The following SCYL2 variants were observed in gnomAD, a reference collection of about 807,000 sequenced individuals.
SCYL2 encodes the protein SCY1-like protein 2.
SCYL2 carries 36 observed loss-of-function variants against 100.4 expected under a neutral mutation model. The observed-to-expected ratio is 0.36, with a 90% CI of 0.27 to 0.47. SCYL2 has a LOEUF of 0.47. SCYL2 is among the 20% of genes least tolerant of loss of function. The probability of loss-of-function intolerance (pLI) is 1.00; values close to 1 mark genes in which losing one functional copy is unlikely to be tolerated. For synonymous variants in SCYL2, 330 were observed against 359.2 expected, an observed-to-expected ratio of 0.92 and a Z score of 0.92; for missense variants, 902 against 1,083.9, an observed-to-expected ratio of 0.83 and a Z score of 2.36.
At chr12:100,271,534 G>C (rs888028479) in intron 1 of SCYL2, among the ~76,000 whole-genome samples, 5 of 152,088 alleles carry the variant, frequency 3.3e-5, no homozygotes, top group Non-Finnish European at 7.4e-5. Context: ...AGACCTTTGT[G>C]CCCCTTTAAG....
chr12:100,318,306 GC>G (rs1357009491), intron 10 of SCYL2, among the ~76,000 whole-genome samples: 11 of 150,916 alleles, frequency 7.3e-5, no homozygotes, highest in Admixed American at 5.9e-4. Context: ...TTCCGAAGAT[GC>G]ATGTGCCTTT....
At chr12:100,294,376 C>G (rs1394328970) in intron 3 of SCYL2, among the ~76,000 whole-genome samples, 6 of 97,498 alleles carry the variant, frequency 6.2e-5, no homozygotes, top group African/African-American at 1.2e-4. Context: ...GCTGGCCGGG[C>G]GGGGGGCTGA....
chr12:100,326,475 C>G (rs1465492821), intron 11 of SCYL2, 147 bp from the exon 12 acceptor site: 5 of 535,482 alleles, frequency 9.3e-6, no homozygotes, highest in Non-Finnish European at 1.5e-5. Flanking sequence ...AGTGAATTTC[C>G]TATGTTGATA....
chr12:100,295,369 C>T (rs920873159), intron 3 of SCYL2, among the ~76,000 whole-genome samples: 3 of 152,182 alleles, frequency 2.0e-5, no homozygotes, highest in East Asian at 1.9e-4. Flanking sequence ...GAGGTTGTAG[C>T]GAGCCGAGAT....
chr12:100,290,620 A>T (rs1368391217), intron 2 of SCYL2, among the ~76,000 whole-genome samples: 1 of 152,222 alleles, frequency 6.6e-6, no homozygotes, highest in Non-Finnish European at 1.5e-5. Flanking sequence ...TGTCTTGGAT[A>T]TTGATAGTTG....
chr12:100,328,004 G>A (rs1952156837), intron 12 of SCYL2, among the ~76,000 whole-genome samples: 1 of 152,142 alleles, frequency 6.6e-6, no homozygotes, highest in Non-Finnish European at 1.5e-5. Flanking sequence ...TTGGCTGGAT[G>A]CAGTGGCTGA....
chr12:100,275,237 T>C (rs2096291370), intron 1 of SCYL2, among the ~76,000 whole-genome samples: 1 of 152,000 alleles, frequency 6.6e-6, no homozygotes. Context: ...GGTCTCACCC[T>C]GTCACCCAGG....
chr12:100,334,003 G>A (rs780587156), intron 13 of SCYL2, 163 bp from the exon 14 acceptor site: 70 of 500,708 alleles, frequency 1.4e-4, no homozygotes, highest in East Asian at 1.2e-3. Context: ...ATGATATGCC[G>A]AATTTAAATG....
chr12:100,269,209 T>C (rs568190136), intron 1 of SCYL2, among the ~76,000 whole-genome samples: 1 of 152,254 alleles, frequency 6.6e-6, no homozygotes, highest in Admixed American at 6.5e-5. Context: ...CAAACTCATC[T>C]CCACTGTGCT....
intron 8 of SCYL2, among the ~76,000 whole-genome samples, chr12:100,315,140 A>T (rs2096346939): frequency 6.6e-6 from 1 of 152,196 alleles, no homozygotes. Flanking sequence ...ATGGAGAGTA[A>T]AGAGGAGGCA....
chr12:100,326,674 A>AGTG lies in SCYL2; in HGVS notation c.1565_1567dup (p.Trp522dup). The AGTG allele has an allele frequency of 6.2e-7, 1 of 1,608,998 alleles. No individual in the cohort carries two copies. Among genetic ancestry groups the AGTG allele is most frequent in the African/African-American group, 1.3e-5 (1 of 74,914 alleles). On this transcript the variant is annotated inframe_insertion, in exon 12 of 18. Transcript: ENST00000360820. The stretch of plus-strand genomic sequence containing the variant: ...GGAAAGATTTTGGAATACTTGGATA[A>AGTG]GTGGTTTGTACTTGATGATATCCTA...
chr12:100,295,785 G>A (rs2096319490), intron 3 of SCYL2, among the ~76,000 whole-genome samples: 1 of 151,590 alleles, frequency 6.6e-6, no homozygotes, highest in Non-Finnish European at 1.5e-5. Flanking sequence ...GAGGGAGAGG[G>A]AGAGGGAGAG....
intron 1 of SCYL2, among the ~76,000 whole-genome samples, chr12:100,272,213 C>T: frequency 6.6e-6 from 1 of 152,054 alleles, no homozygotes; most frequent in Admixed American, 6.6e-5. Flanking sequence ...ATGAGAAATG[C>T]CTTACATGAC....
intron 1 of SCYL2, among the ~76,000 whole-genome samples, chr12:100,282,269 C>T (rs2096299516): frequency 8.2e-6 from 1 of 121,432 alleles, no homozygotes; most frequent in African/African-American, 2.9e-5. Context: ...AAGTGATCCT[C>T]CTGCCTCAGC....
chr12:100,293,736 G>C (rs1382782855), intron 3 of SCYL2, among the ~76,000 whole-genome samples: 1 of 151,962 alleles, frequency 6.6e-6, no homozygotes, highest in Non-Finnish European at 1.5e-5. Flanking sequence ...GACTCTTAAC[G>C]AGCATGCTGC....
chr12:100,314,483 T>G lies in SCYL2; in HGVS notation c.970-6T>G. The G allele has an allele frequency of 6.3e-7, 1 of 1,576,004 alleles. No individual in the cohort carries two copies. The highest frequency in any genetic ancestry group is 1.1e-5 in the South Asian group (1 of 87,352). ...TATCAAAATACTTTATTTCCATTTT[T>G]TTTAGATTCCCTTCTTTGATGATGT... On this transcript the variant is annotated splice_region_variant and splice_polypyrimidine_tract_variant and intron_variant, in intron 7 of 17. Coordinates refer to ENST00000360820, the MANE Select transcript of SCYL2 (RefSeq NM_017988.6).
At chr12:100,269,701 T>C (rs897742705) in intron 1 of SCYL2, among the ~76,000 whole-genome samples, 2 of 152,194 alleles carry the variant, frequency 1.3e-5, no homozygotes, top group African/African-American at 4.8e-5. Context: ...AGAATTGGCA[T>C]TTGAACTCAG....
intron 2 of SCYL2, among the ~76,000 whole-genome samples, chr12:100,284,361 A>T (rs2096302169): frequency 6.6e-6 from 1 of 152,132 alleles, no homozygotes; most frequent in South Asian, 2.1e-4. Flanking sequence ...TCTACATTGC[A>T]CTTTTTTTCT....
intron 4 of SCYL2, among the ~76,000 whole-genome samples, chr12:100,300,720 G>C (rs979609045): frequency 1.3e-5 from 2 of 151,844 alleles, no homozygotes; most frequent in African/African-American, 4.8e-5. Flanking sequence ...TTGATTTTTA[G>C]CTCCTACAAA....
Sources: allele counts gnomAD v4.1 joint callset (sites outside exome capture counted in the v4.1 genomes callset), GRCh38; gene constraint gnomAD v4.1.1; transcripts MANE v1.5; gene names NCBI Gene and HGNC (gene_info 2026-07-23, HGNC 2026-07-21).